The following ADARB2 variants were observed in gnomAD, a reference collection of about 807,000 sequenced individuals.
ADARB2 encodes the protein inactive double-stranded RNA-specific editase B2.
A neutral mutation model predicts 62.2 loss-of-function variants in ADARB2; 25 were observed. The ratio of observed to expected loss-of-function variants is 0.40; its 90% CI spans 0.29 to 0.56. ADARB2 has a LOEUF of 0.56. Ranked by LOEUF, ADARB2 falls within the 20% of genes least tolerant of loss-of-function variation. The probability of loss-of-function intolerance (pLI) is 0.43; values close to 1 mark genes in which losing one functional copy is unlikely to be tolerated. For synonymous variants in ADARB2, 572 were observed against 500.8 expected (o/e 1.14, Z -1.90); for missense variants, 1,071 against 1,077.4 (o/e 0.99, Z 0.08).
chr10:1,250,572 C>T (rs1296158710), intron 4 of ADARB2, among the ~76,000 whole-genome samples: 1 of 152,070 alleles, frequency 6.6e-6, no homozygotes, highest in Non-Finnish European at 1.5e-5. Context: ...GTCTGCTTCC[C>T]CCTTGACCTT....
At chr10:1,516,375 G>A (rs562347574) in intron 1 of ADARB2, among the ~76,000 whole-genome samples, 3 of 152,208 alleles carry the variant, frequency 2.0e-5, no homozygotes, top group Non-Finnish European at 4.4e-5. Context: ...TTCCCGAGGT[G>A]CAGCTGGATT....
chr10:1,736,132 C>T (rs554773509), intron 1 of ADARB2, among the ~76,000 whole-genome samples: 31 of 152,332 alleles, frequency 2.0e-4, no homozygotes, highest in African/African-American at 7.5e-4. Context: ...TGAACTTTCT[C>T]CTGCAGGCTC....
intron 1 of ADARB2, among the ~76,000 whole-genome samples, chr10:1,720,899 C>T (rs1479160200): frequency 2.0e-5 from 3 of 152,228 alleles, no homozygotes; most frequent in Non-Finnish European, 4.4e-5. Context: ...TGCAGTGCTT[C>T]TGTCTGGAAG....
intron 4 of ADARB2, among the ~76,000 whole-genome samples, chr10:1,249,570 T>C (rs1831017289): frequency 6.6e-6 from 1 of 151,882 alleles, no homozygotes. Context: ...AAAACTCAAC[T>C]CTGTCAAGTG....
chr10:1,186,111 G>A (rs1228011052), intron 8 of ADARB2, among the ~76,000 whole-genome samples: 2 of 152,228 alleles, frequency 1.3e-5, no homozygotes, highest in African/African-American at 2.4e-5. Context: ...CCAATTCATT[G>A]TCTCTTTCAG....
In ADARB2 at chr10:1,718,610, C is replaced by T. The variant is rs567313999; in HGVS notation, c.100+18441G>A. On this transcript the variant is annotated intron_variant, in intron 1 of 9. Coordinates refer to ENST00000381312, the MANE Select transcript of ADARB2 (RefSeq NM_018702.4). The stretch of plus-strand genomic sequence containing the variant: ...CCTGTGGGAGGAATGAGACAGGGAG[C>T]GGCGTTTAGAGATTGCAGCTGGCAA... Among the ~76,000 whole-genome samples the T allele has an allele frequency of 1.2e-4, 18 of 152,190 alleles. No homozygotes were observed. In the Middle Eastern group the frequency reaches 0.01, roughly 86 times the overall value.
chr10:1,662,221 CAG>C (rs1243890423), intron 1 of ADARB2, among the ~76,000 whole-genome samples: 3 of 152,180 alleles, frequency 2.0e-5, no homozygotes, highest in Non-Finnish European at 4.4e-5. Context: ...CCACTAAAAT[CAG>C]AGAGGTTTGG....
At chr10:1,647,893 G>A (rs1834066391) in intron 1 of ADARB2, among the ~76,000 whole-genome samples, 1 of 152,000 alleles carries the variant, frequency 6.6e-6, no homozygotes, top group Non-Finnish European at 1.5e-5. Flanking sequence ...ATATATGTAT[G>A]TGTGTATGTA....
chr10:1,372,588 G>T (rs1832382980), intron 2 of ADARB2, among the ~76,000 whole-genome samples: 1 of 152,204 alleles, frequency 6.6e-6, no homozygotes, highest in African/African-American at 2.4e-5. Context: ...TGAAGAGGGA[G>T]GTGTGGGGCC....
intron 3 of ADARB2, among the ~76,000 whole-genome samples, chr10:1,336,203 A>G (rs192063918): frequency 3.0e-4 from 46 of 152,342 alleles, no homozygotes; most frequent in Non-Finnish European, 5.6e-4. Flanking sequence ...CCTGTAACGC[A>G]TTTAAGATGT....
At chr10:1,490,863 C>G (rs771214916) in intron 1 of ADARB2, among the ~76,000 whole-genome samples, 9 of 152,126 alleles carry the variant, frequency 5.9e-5, no homozygotes, top group Non-Finnish European at 1.3e-4. Context: ...GGACCATACC[C>G]CAGTTGTCTC....
chr10:1,219,049 CAAAA>C (rs58282140), intron 6 of ADARB2, among the ~76,000 whole-genome samples: 6 of 103,624 alleles, frequency 5.8e-5, no homozygotes, highest in African/African-American at 7.1e-5. Flanking sequence ...GACTACGTCT[CAAAA>C]AAAAAAAAAA....
chr10:1,577,980 T>C (rs1363570925), intron 1 of ADARB2, among the ~76,000 whole-genome samples: 1 of 152,136 alleles, frequency 6.6e-6, no homozygotes, highest in African/African-American at 2.4e-5. Flanking sequence ...AGAGAAGCCT[T>C]AGGCAGAGCC....
intron 8 of ADARB2, among the ~76,000 whole-genome samples, chr10:1,189,256 A>G (rs1836805426): frequency 6.6e-6 from 1 of 151,976 alleles, no homozygotes; most frequent in African/African-American, 2.4e-5. Flanking sequence ...TGGTGCACTG[A>G]TTTTATAATT....
chr10:1,647,538 T>A (rs1290738661), intron 1 of ADARB2, among the ~76,000 whole-genome samples: 1 of 152,094 alleles, frequency 6.6e-6, no homozygotes, highest in African/African-American at 2.4e-5. Flanking sequence ...TGTGTGTTTA[T>A]GTGAGTATAC....
rs74627049 is a variant in ADARB2 at position 1,725,927 on chromosome 10, T to C, written c.100+11124A>G. ...GATAAAATGTTTTCATAGTCAAGAG[T>C]ACAGGGGCTAACCCCAGAATTCTAC... On this transcript the variant is annotated intron_variant, in intron 1 of 9. Transcript: ENST00000381312. 7.6e-3 allele frequency among the ~76,000 whole-genome samples: 1,159 copies of C among 152,310 alleles called. 56 individuals carry two copies. The East Asian group carries it at 0.13, about 16-fold the overall frequency.
intron 3 of ADARB2, among the ~76,000 whole-genome samples, chr10:1,349,518 C>T (rs563725095): frequency 4.2e-4 from 64 of 152,320 alleles, no homozygotes; most frequent in African/African-American, 1.4e-3. Flanking sequence ...CCTACAACCT[C>T]GGGTCCTCAG....
chr10:1,514,178 A>AAAATATATAT (rs147869230), intron 1 of ADARB2, among the ~76,000 whole-genome samples: 8 of 94,158 alleles, frequency 8.5e-5, no homozygotes, highest in Admixed American at 1.4e-4. Flanking sequence ...GCTGTCTCAA[A>AAAATATATAT]ATATATATAT....
chr10:1,635,784 G>A (rs907956827), intron 1 of ADARB2, among the ~76,000 whole-genome samples: 3 of 152,010 alleles, frequency 2.0e-5, no homozygotes, highest in Non-Finnish European at 2.9e-5. Flanking sequence ...CACTCATTTC[G>A]TTCCTTGCAA....
Sources: allele counts gnomAD v4.1 joint callset (sites outside exome capture counted in the v4.1 genomes callset), GRCh38; gene constraint gnomAD v4.1.1; transcripts MANE v1.5; gene names NCBI Gene and HGNC (gene_info 2026-07-23, HGNC 2026-07-21).